Variants in GSTM2 observed in about 807,000 individuals in gnomAD.
GSTM2 encodes the protein GST class-mu 2.
Under a neutral mutation model 33.3 loss-of-function variants are expected in GSTM2, and 33 were observed. That is an observed-to-expected ratio of 0.99 (90% CI 0.75 to 1.33). The LOEUF is 1.33. Ranked by LOEUF, GSTM2 falls within the 40% of genes most tolerant of loss-of-function variation. The pLI is 0.00. For synonymous variants in GSTM2, 93 were observed against 95.6 expected (o/e 0.97, Z 0.16); for missense variants, 213 against 265.8 (o/e 0.80, Z 1.38).
intron 1 of GSTM2, 48 bp downstream of exon 1, chr1:109,668,199 G>A (rs764004364): frequency 6.4e-7 from 1 of 1,555,404 alleles, no homozygotes. Flanking sequence ...GTGGGGGCGG[G>A]GAAGTGTGGA....
chr1:109,668,373 C>G, intron 1 of GSTM2, 52 bp from the exon 2 acceptor site: 1 of 1,594,272 alleles, frequency 6.3e-7, no homozygotes, highest in African/African-American at 1.3e-5. Context: ...AGAGTCGTCA[C>G]AAAGTCAGGG....
At chr1:109,678,759 C>G (rs927471187), downstream of GSTM2, among the ~76,000 whole-genome samples, 4 of 69,712 alleles carry the variant, frequency 5.7e-5, no homozygotes, top group African/African-American at 2.2e-4. Context: ...GACTCCCTCT[C>G]AAAAAAAAAA....
At position 109,668,603 on chromosome 1, in the gene GSTM2, G is replaced by C. The variant is rs1647417886; in HGVS notation, c.112+103G>C. 8.4e-6 allele frequency: 11 copies of C among 1,308,434 alleles called. No individual in the cohort carries two copies. The South Asian group carries it at 1.1e-4, about 13-fold the overall frequency. The allele number at this position is 1,308,434 out of a possible 1,614,324, so 81.1% of individuals were successfully genotyped here. ...CTGACTCTGCAGGCCTCCCTTGCTG[G>C]AACTGCAGGCTGTCCCTTCCCTGAG... On this transcript the variant is annotated intron_variant, in intron 2 of 7. Transcript: ENST00000241337.
chr1:109,671,611 A>G, intron 7 of GSTM2, 28 bp downstream of exon 7: 2 of 1,115,624 alleles, frequency 1.8e-6, no homozygotes, highest in South Asian at 1.2e-5. Context: ...CTTTCTCTTT[A>G]TGTCTCTTAT....
Position 109,674,728 on chromosome 1 carries a change from T to C in GSTM2, c.568-19T>C. ...GGGCAGCTGACCTTGAGTTCTGGCCTTATTTTCCCCCCTCTCAGGGCTTGG... is the reference window on the plus strand; with the variant it reads ...GGGCAGCTGACCTTGAGTTCTGGCCCTATTTTCCCCCCTCTCAGGGCTTGG... On this transcript the variant is annotated intron_variant, in intron 7 of 7. Transcript: ENST00000241337. 1 of 1,614,142 alleles carries C rather than the reference T, an allele frequency of 6.2e-7. No homozygotes were observed. Among genetic ancestry groups the C allele is most frequent in the East Asian group, 2.2e-5 (1 of 44,874 alleles).
chr1:109,679,576 A>G (rs1647805971), downstream of GSTM2, among the ~76,000 whole-genome samples: 1 of 152,162 alleles, frequency 6.6e-6, no homozygotes, highest in African/African-American at 2.4e-5. Context: ...CTATGAATCT[A>G]CTTGTTTGTG....
At chr1:109,668,650 C>A in intron 2 of GSTM2, 150 bp downstream of exon 2, 1 of 963,544 alleles carries the variant, frequency 1.0e-6, no homozygotes, top group Non-Finnish European at 1.6e-6. Context: ...GAGCTCCTTG[C>A]AAGGCAGAAT....
chr1:109,669,262 G>A (rs1647440527), intron 3 of GSTM2, 28 bp from the exon 4 acceptor site: 59 of 1,613,750 alleles, frequency 3.7e-5, no homozygotes, highest in Non-Finnish European at 4.9e-5. Context: ...TGGCCCAACT[G>A]AGCTTCCCCG....
intron 3 of GSTM2, 146 bp from the exon 4 acceptor site, chr1:109,669,144 C>T: frequency 7.9e-7 from 1 of 1,268,230 alleles, no homozygotes; most frequent in Non-Finnish European, 1.2e-6. Context: ...TGTTCTGTGT[C>T]CCAGCTCATT....
At chr1:109,672,442 A>C (rs1479384190) in intron 7 of GSTM2, among the ~76,000 whole-genome samples, 1 of 152,244 alleles carries the variant, frequency 6.6e-6, no homozygotes, top group Non-Finnish European at 1.5e-5. Flanking sequence ...AAAGAAACTG[A>C]GAATGAGAGG....
chr1:109,676,427 C>T (rs1214039355), downstream of GSTM2, among the ~76,000 whole-genome samples: 3 of 152,128 alleles, frequency 2.0e-5, no homozygotes, highest in Non-Finnish European at 4.4e-5. Context: ...TCTCGTCTCA[C>T]TGCAACCTCC....
chr1:109,670,003 G>A (rs1170000036), intron 5 of GSTM2: 1 of 125,772 alleles, frequency 8.0e-6, no homozygotes, highest in African/African-American at 3.0e-5. Context: ...AGCAACAGCA[G>A]GATTTATGGT....
At chr1:109,672,869 T>A in intron 7 of GSTM2, among the ~76,000 whole-genome samples, 1 of 32,710 alleles carries the variant, frequency 3.1e-5, no homozygotes, top group Non-Finnish European at 6.7e-5. Context: ...TCTCTACCTC[T>A]TTTTTTTTTT....
Position 109,668,158 on chromosome 1 carries a change from C to G in GSTM2, c.36+7C>G, listed in dbSNP as rs530021. On this transcript the variant is annotated splice_region_variant and intron_variant, in intron 1 of 7. Coordinates refer to ENST00000241337, the MANE Select transcript of GSTM2 (RefSeq NM_000848.4). ...GTACTGGAACATCCGCGGGGTGAGC[C>G]AGGGTCCGCTGGGCGGTGGGACGGG... 0.91 allele frequency: 1,472,236 copies of G among 1,612,152 alleles called. 672,833 individuals are homozygous for G. Among genetic ancestry groups the G allele is most frequent in the East Asian group, 0.97 (43,391 of 44,838 alleles).
At chr1:109,679,215 A>G (rs1253859771), downstream of GSTM2, among the ~76,000 whole-genome samples, 2 of 151,850 alleles carry the variant, frequency 1.3e-5, no homozygotes, top group Non-Finnish European at 2.9e-5. Flanking sequence ...TCATGCCTGT[A>G]TTCCCAGCAC....
intron 7 of GSTM2, among the ~76,000 whole-genome samples, chr1:109,672,894 G>C (rs142053321): frequency 6.8e-6 from 1 of 147,146 alleles, no homozygotes; most frequent in African/African-American, 2.5e-5. Context: ...TTTTGAGACG[G>C]AGTCTTGCTC....
chr1:109,669,436 G>C (rs751805543), intron 4 of GSTM2, 35 bp from the exon 5 acceptor site: 4 of 1,612,958 alleles, frequency 2.5e-6, no homozygotes, highest in Non-Finnish European at 3.4e-6. Context: ...TGGCTGGGCT[G>C]TGAGGCTGAG....
At chr1:109,674,514 T>G (rs1647650607) in intron 7 of GSTM2, among the ~76,000 whole-genome samples, 1 of 152,184 alleles carries the variant, frequency 6.6e-6, no homozygotes, top group Non-Finnish European at 1.5e-5. Context: ...CCCAGCACCG[T>G]GTAGAATCTT....
At chr1:109,669,184 C>G (rs41283500) in intron 3 of GSTM2, 106 bp from the exon 4 acceptor site, 45,704 of 1,368,174 alleles carry the variant, frequency 0.033, 1,106 homozygotes, top group African/African-American at 0.099. Flanking sequence ...CTATCTCAGG[C>G]CTGCCATGAG....
Sources: gnomAD v4.1 joint callset for allele counts (sites outside exome capture counted in the v4.1 genomes callset) on GRCh38, gnomAD v4.1.1 for gene constraint, MANE v1.5 for transcripts, NCBI Gene and HGNC (gene_info 2026-07-23, HGNC 2026-07-21) for gene names.